Variants in TRPC6 observed in about 807,000 individuals in gnomAD.
TRPC6 encodes the protein short transient receptor potential channel 6.
In TRPC6, 55 loss-of-function variants were observed where a neutral mutation model predicts 90.7. The ratio of observed to expected loss-of-function variants is 0.61; its 90% CI spans 0.49 to 0.76. TRPC6 has a LOEUF of 0.76. Ranked by LOEUF, TRPC6 falls within the 30% of genes least tolerant of loss-of-function variation. The probability of loss-of-function intolerance (pLI) is 0.00; values close to 1 mark genes in which losing one functional copy is unlikely to be tolerated. For synonymous variants in TRPC6, 393 were observed against 393.0 expected (o/e 1.00, Z 0.00); for missense variants, 989 against 1,122.7 (o/e 0.88, Z 1.70).
chr11:101,495,120 A>G (rs1859912711), intron 2 of TRPC6, among the ~76,000 whole-genome samples: 1 of 152,202 alleles, frequency 6.6e-6, no homozygotes, highest in South Asian at 2.1e-4. Context: ...ACATTCATTC[A>G]TTAATCAAAT....
Position 101,567,316 on chromosome 11 carries a change from A to T in TRPC6, c.170+16018T>A, listed in dbSNP as rs145752370. On this transcript the variant is annotated intron_variant, in intron 1 of 12. Transcript: ENST00000344327. Reference sequence around the variant, plus strand: ...GCCCCTCAGGCCAGACTGCCTCTCTAGATTCCCTCCTCCCTGGGCAGGGCA... The same window carrying T: ...GCCCCTCAGGCCAGACTGCCTCTCTTGATTCCCTCCTCCCTGGGCAGGGCA... Among the ~76,000 whole-genome samples the T allele has an allele frequency of 4.2e-3, 631 of 151,334 alleles. 6 individuals are homozygous for T. The highest frequency in any genetic ancestry group is 0.015 in the African/African-American group (606 of 41,220).
rs201522744 is a variant in TRPC6 at position 101,471,200 on chromosome 11, C to G, written c.2392G>C (p.Asp798His). 4.9e-4 allele frequency: 790 copies of G among 1,613,744 alleles called. No individual in the cohort carries two copies. Among genetic ancestry groups the G allele is most frequent in the Non-Finnish European group, 6.3e-4 (741 of 1,179,818 alleles). The change falls in exon 9 of 13, where the codon GAT (aspartate) becomes CAT (histidine). Residue 798 changes from aspartate to histidine, a missense_variant. Physicochemically the swap from Asp to His is moderately conservative, Grantham distance 81. This residue lies in a region of TRPC6 where 191 missense variants were observed against 196.7 expected (regional missense o/e 0.97). Coordinates refer to ENST00000344327, the MANE Select transcript of TRPC6 (RefSeq NM_004621.6). ...TAAGTTACCTTGTTCATCTCTGCAT[C>G]TTCCTGGAAACCTTTTTTATGGCCC... ...FQGHKKGFQEDAEMNKINEEK... is the reference protein window; with the variant it reads ...FQGHKKGFQEHAEMNKINEEK...
At chr11:101,537,926 C>T (rs1321505053) in intron 1 of TRPC6, among the ~76,000 whole-genome samples, 3 of 152,120 alleles carry the variant, frequency 2.0e-5, no homozygotes, top group Admixed American at 1.3e-4. Flanking sequence ...CATGTACCAT[C>T]AATATGTAGT....
intron 1 of TRPC6, among the ~76,000 whole-genome samples, chr11:101,545,284 C>T (rs996447115): frequency 2.0e-5 from 3 of 152,016 alleles, no homozygotes; most frequent in African/African-American, 4.8e-5. Context: ...GTATTTACAT[C>T]GTATTAGGTT....
chr11:101,541,392 C>T (rs542138916), intron 1 of TRPC6, among the ~76,000 whole-genome samples: 2 of 152,196 alleles, frequency 1.3e-5, no homozygotes, highest in Admixed American at 6.5e-5. Context: ...GACGGAGTTT[C>T]GCTCTTTCGC....
chr11:101,457,479 G>A (rs1190081968), intron 10 of TRPC6, among the ~76,000 whole-genome samples: 1 of 152,118 alleles, frequency 6.6e-6, no homozygotes, highest in South Asian at 2.1e-4. Flanking sequence ...TTATATTGCT[G>A]GATACAGGAA....
chr11:101,471,732 G>T (rs925826179), intron 8 of TRPC6, among the ~76,000 whole-genome samples: 3 of 152,064 alleles, frequency 2.0e-5, no homozygotes, highest in African/African-American at 7.2e-5. Flanking sequence ...CACAGATCAA[G>T]ATTTCTGGAA....
At chr11:101,543,006 C>T (rs1227705193) in intron 1 of TRPC6, among the ~76,000 whole-genome samples, 1 of 152,008 alleles carries the variant, frequency 6.6e-6, no homozygotes, top group Non-Finnish European at 1.5e-5. Context: ...AAATTATAGA[C>T]AGAAAATATT....
Position 101,558,460 on chromosome 11 carries a change from T to TACACACACACACAC in TRPC6, c.170+24860_170+24873dup, listed in dbSNP as rs71056630. The stretch of plus-strand genomic sequence containing the variant: ...ATACATATATATACACACGCACACA[T>TACACACACACACAC]ACACACACACACACACACACACACA... On this transcript the variant is annotated intron_variant, in intron 1 of 12. Coordinates refer to ENST00000344327, the MANE Select transcript of TRPC6 (RefSeq NM_004621.6). Among the ~76,000 whole-genome samples, 44 of 50,494 alleles carry TACACACACACACAC rather than the reference T, an allele frequency of 8.7e-4. 15 individuals carry two copies. The highest frequency in any genetic ancestry group is 3.3e-3 in the East Asian group (1 of 300). The allele number at this position is 50,494 out of a possible 152,430, so 33.1% of individuals were successfully genotyped here.
chr11:101,561,370 T>C (rs542636778), intron 1 of TRPC6, among the ~76,000 whole-genome samples: 1 of 152,276 alleles, frequency 6.6e-6, no homozygotes, highest in East Asian at 1.9e-4. Flanking sequence ...ATACATAAAG[T>C]AAGTCATTCA....
intron 1 of TRPC6, among the ~76,000 whole-genome samples, chr11:101,524,647 G>GT (rs1171097888): frequency 6.6e-6 from 1 of 152,180 alleles, no homozygotes; most frequent in African/African-American, 2.4e-5. Flanking sequence ...TCAGCACTCT[G>GT]TTTTTTCCAT....
intron 4 of TRPC6, among the ~76,000 whole-genome samples, chr11:101,488,572 C>T (rs144851991): frequency 3.8e-4 from 58 of 152,210 alleles, no homozygotes; most frequent in African/African-American, 1.3e-3. Flanking sequence ...AATATATGCT[C>T]AATGGTACTA....
intron 1 of TRPC6, among the ~76,000 whole-genome samples, chr11:101,542,173 AAT>A (rs1861188144): frequency 6.6e-6 from 1 of 152,226 alleles, no homozygotes; most frequent in Non-Finnish European, 1.5e-5. Flanking sequence ...TGACTATTGT[AAT>A]TTCAAGGATA....
chr11:101,508,078 C>A (rs1468542889), intron 1 of TRPC6, among the ~76,000 whole-genome samples: 8 of 151,840 alleles, frequency 5.3e-5, no homozygotes, highest in African/African-American at 1.5e-4. Flanking sequence ...CCTTTATTTT[C>A]AAATGTTACT....
At chr11:101,498,618 G>T (rs1255924758) in intron 2 of TRPC6, among the ~76,000 whole-genome samples, 1 of 152,182 alleles carries the variant, frequency 6.6e-6, no homozygotes, top group Non-Finnish European at 1.5e-5. Flanking sequence ...CAGTTTGGAA[G>T]GTGCTTAGAA....
chr11:101,575,193 T>C (rs1173115680), intron 1 of TRPC6, among the ~76,000 whole-genome samples: 5 of 152,204 alleles, frequency 3.3e-5, no homozygotes, highest in African/African-American at 1.2e-4. Context: ...AGAAGCAGTT[T>C]TATCCACATG....
At chr11:101,567,556 G>A (rs1317607140) in intron 1 of TRPC6, among the ~76,000 whole-genome samples, 2 of 152,204 alleles carry the variant, frequency 1.3e-5, no homozygotes, top group African/African-American at 4.8e-5. Flanking sequence ...CCTGAACCCC[G>A]TGTATCCTGA....
At chr11:101,558,256 T>G (rs200063369) in intron 1 of TRPC6, among the ~76,000 whole-genome samples, 4 of 137,976 alleles carry the variant, frequency 2.9e-5, no homozygotes, top group Non-Finnish European at 4.6e-5. Context: ...TATATATGTA[T>G]ACATGTATAT....
In TRPC6 at chr11:101,476,020, A is replaced by C. The variant is rs143391372; in HGVS notation, c.1744+281T>G. On this transcript the variant is annotated intron_variant, in intron 6 of 12. Transcript: ENST00000344327. ...AAAGAGGGAAAAATAAATCCAGGAC[A>C]TAAGACATGTATTCTCCATGAAGTT... is the stretch of plus-strand genomic sequence containing the variant. 9.5e-3 allele frequency among the ~76,000 whole-genome samples: 1,442 copies of C among 152,276 alleles called. 18 individuals are homozygous for C. Among genetic ancestry groups the C allele is most frequent in the African/African-American group, 0.032 (1,323 of 41,550 alleles).
Sources: allele counts gnomAD v4.1 joint callset (sites outside exome capture counted in the v4.1 genomes callset), GRCh38; gene constraint gnomAD v4.1.1; regional missense constraint gnomAD v4.1.1; transcripts MANE v1.5; gene names NCBI Gene and HGNC (gene_info 2026-07-23, HGNC 2026-07-21).